Variants in ANTXR2 observed in about 807,000 individuals in gnomAD.
ANTXR2 encodes the protein anthrax toxin receptor 2.
ANTXR2 carries 44 observed loss-of-function variants against 73.7 expected under a neutral mutation model. The observed-to-expected ratio is 0.60, with a 90% CI of 0.47 to 0.77. The LOEUF is 0.77. Ranked by LOEUF, ANTXR2 falls within the 30% of genes least tolerant of loss-of-function variation. The pLI, the probability that ANTXR2 is intolerant of heterozygous loss-of-function variation, is 0.00. For missense variants in ANTXR2, 604 were observed against 592.5 expected (o/e 1.02, Z -0.20); for synonymous variants, 217 against 205.9 (o/e 1.05, Z -0.46).
chr4:80,006,426 A>G (rs1417147856), intron 12 of ANTXR2, among the ~76,000 whole-genome samples: 4 of 152,118 alleles, frequency 2.6e-5, no homozygotes, highest in Non-Finnish European at 4.4e-5. Flanking sequence ...ATATGTAGGT[A>G]TAAATATAAG....
chr4:79,949,634 G>A (rs1202050840), intron 16 of ANTXR2, among the ~76,000 whole-genome samples: 3 of 152,102 alleles, frequency 2.0e-5, no homozygotes, highest in Non-Finnish European at 2.9e-5. Flanking sequence ...ATGTCAGGAA[G>A]CTCTGAGTTT....
chr4:79,958,244 T>C (rs1728998301), intron 16 of ANTXR2, among the ~76,000 whole-genome samples: 1 of 152,064 alleles, frequency 6.6e-6, no homozygotes, highest in Admixed American at 6.6e-5. Context: ...TATTGGTACT[T>C]GTCTATCATT....
In ANTXR2 at chr4:79,904,289, G is replaced by C. The variant is rs1257478026; in HGVS notation, c.*3140C>G. The stretch of plus-strand genomic sequence containing the variant: ...AGAATAAAGTTCAAGGGAAATATAA[G>C]CAAACTACTTCTTTCTCTAACAATC... On this transcript the variant is annotated 3_prime_UTR_variant, in exon 17 of 17. Coordinates refer to ENST00000403729, the MANE Select transcript of ANTXR2 (RefSeq NM_058172.6). 1 of 151,966 alleles carries C rather than the reference G, an allele frequency of 6.6e-6. No homozygotes were observed. Among genetic ancestry groups the C allele is most frequent in the Non-Finnish European group, 1.5e-5 (1 of 67,972 alleles). The allele number at this position is 151,966 out of a possible 1,614,324, so 9.4% of individuals were successfully genotyped here.
At chr4:79,916,722 T>A (rs1466865311) in intron 16 of ANTXR2, among the ~76,000 whole-genome samples, 2 of 152,068 alleles carry the variant, frequency 1.3e-5, no homozygotes, top group East Asian at 1.9e-4. Context: ...ATAATATACA[T>A]CTGTTAGAAA....
chr4:80,012,264 TA>T (rs1275874790), intron 11 of ANTXR2, among the ~76,000 whole-genome samples: 1 of 151,956 alleles, frequency 6.6e-6, no homozygotes, highest in East Asian at 1.9e-4. Context: ...GAATATTTGA[TA>T]TCAGGAATTA....
At position 79,934,713 on chromosome 4, in the gene ANTXR2, C is replaced by T. The variant is rs78512913; in HGVS notation, c.1429-27246G>A. Among the ~76,000 whole-genome samples, 83 of 152,078 alleles carry T rather than the reference C, an allele frequency of 5.5e-4. No homozygotes were observed. The East Asian group carries it at 0.012, about 22-fold the overall frequency. ...TGATATATGATAAACACTAAGGAAA[C>T]GCCATGCATTGCTACTATTTCTGTC... is the stretch of plus-strand genomic sequence containing the variant. On this transcript the variant is annotated intron_variant, in intron 16 of 16. Coordinates refer to ENST00000403729, the MANE Select transcript of ANTXR2 (RefSeq NM_058172.6).
chr4:79,927,025 GTA>G (rs1320236511), intron 16 of ANTXR2, among the ~76,000 whole-genome samples: 5 of 118,090 alleles, frequency 4.2e-5, no homozygotes, highest in African/African-American at 1.5e-4. Context: ...ATACATATGT[GTA>G]TATATGTGTG....
intron 12 of ANTXR2, 49 bp downstream of exon 12, chr4:80,008,472 A>ACATCTTT: frequency 7.0e-7 from 1 of 1,435,320 alleles, no homozygotes; most frequent in Non-Finnish European, 9.7e-7. Flanking sequence ...ACCTTACTTT[A>ACATCTTT]CATCTTTCTA....
At chr4:80,065,439 A>T (rs1193389315) in intron 3 of ANTXR2, among the ~76,000 whole-genome samples, 1 of 152,078 alleles carries the variant, frequency 6.6e-6, no homozygotes, top group Non-Finnish European at 1.5e-5. Flanking sequence ...CACAGTACTC[A>T]ATGCATTGAA....
At chr4:79,974,441 A>G (rs933314923) in intron 16 of ANTXR2, among the ~76,000 whole-genome samples, 1 of 152,208 alleles carries the variant, frequency 6.6e-6, no homozygotes, top group Admixed American at 6.5e-5. Context: ...CAGAGTGGAA[A>G]AAGTGGGGTT....
intron 16 of ANTXR2, among the ~76,000 whole-genome samples, chr4:79,946,857 T>C (rs1435966352): frequency 6.6e-6 from 1 of 152,152 alleles, no homozygotes; most frequent in African/African-American, 2.4e-5. Context: ...ATATATACCA[T>C]ACAGTTTATA....
At chr4:79,925,314 T>C (rs1400221330) in intron 16 of ANTXR2, among the ~76,000 whole-genome samples, 2 of 144,750 alleles carry the variant, frequency 1.4e-5, no homozygotes, top group Non-Finnish European at 3.0e-5. Flanking sequence ...GATGATGGCA[T>C]TAAAGCCTTA....
rs566278394 is a variant in ANTXR2 at position 80,014,543 on chromosome 4, C to T, written c.945+4355G>A. On this transcript the variant is annotated intron_variant, in intron 11 of 16. Transcript: ENST00000403729. ...CTGGCGTCACTGCACTCCAGCCTAC[C>T]AACAGAACAAGACTCAGTCTCAAAA... is the stretch of plus-strand genomic sequence containing the variant. Among the ~76,000 whole-genome samples the T allele has an allele frequency of 2.1e-3, 314 of 151,892 alleles. 2 individuals carry two copies. Among genetic ancestry groups the T allele is most frequent in the African/African-American group, 7.2e-3 (300 of 41,452 alleles).
intron 14 of ANTXR2, among the ~76,000 whole-genome samples, 156 bp from the exon 15 acceptor site, chr4:79,978,330 G>C (rs1019851943): frequency 6.6e-6 from 1 of 150,964 alleles, no homozygotes; most frequent in Admixed American, 6.6e-5. Context: ...AGGCTAAATA[G>C]GTTTCTCACC....
intron 12 of ANTXR2, among the ~76,000 whole-genome samples, chr4:79,995,506 TAG>T (rs1730682411): frequency 6.6e-6 from 1 of 151,998 alleles, no homozygotes; most frequent in Non-Finnish European, 1.5e-5. Flanking sequence ...GAAGAGGAGA[TAG>T]AAGTATACTA....
intron 3 of ANTXR2, among the ~76,000 whole-genome samples, chr4:80,061,760 AG>A (rs1211813772): frequency 6.6e-6 from 1 of 152,322 alleles, no homozygotes; most frequent in East Asian, 1.9e-4. Context: ...GTAACTGCTC[AG>A]TAAACTTTGA....
At position 79,903,839 on chromosome 4, in the gene ANTXR2, G is replaced by A. The variant is rs1233338982; in HGVS notation, c.*3590C>T. The stretch of plus-strand genomic sequence containing the variant: ...GTATTTCCTTTCATATTGAAATGAT[G>A]CATATATTTCTTTCCTGTGTACATA... On this transcript the variant is annotated 3_prime_UTR_variant, in exon 17 of 17. Transcript: ENST00000403729. The A allele has an allele frequency of 6.6e-6, 1 of 152,052 alleles. No homozygotes were observed. Among genetic ancestry groups the A allele is most frequent in the African/African-American group, 2.4e-5 (1 of 41,404 alleles). The allele number at this position is 152,052 out of a possible 1,614,324, so 9.4% of individuals were successfully genotyped here.
chr4:79,919,921 A>AT (rs1727528757), intron 16 of ANTXR2, among the ~76,000 whole-genome samples: 7 of 12,202 alleles, frequency 5.7e-4, no homozygotes, highest in Admixed American at 1.0e-3. Flanking sequence ...ATATATATAT[A>AT]AAAAATGATA....
intron 16 of ANTXR2, among the ~76,000 whole-genome samples, chr4:79,937,786 G>T (rs886694269): frequency 5.3e-5 from 8 of 151,288 alleles, no homozygotes; most frequent in Non-Finnish European, 1.0e-4. Context: ...CGCAGAAGAC[G>T]GTGATTTCTG....
Sources: gnomAD v4.1 joint callset for allele counts (sites outside exome capture counted in the v4.1 genomes callset) on GRCh38, gnomAD v4.1.1 for gene constraint, MANE v1.5 for transcripts, NCBI Gene and HGNC (gene_info 2026-07-23, HGNC 2026-07-21) for gene names.